KRT13: variants seen among roughly 807,000 people sequenced by gnomAD.
The protein encoded by KRT13 is keratin, type I cytoskeletal 13.
In KRT13, 27 loss-of-function variants were observed where a neutral mutation model predicts 40.6. The ratio of observed to expected loss-of-function variants is 0.67; its 90% CI spans 0.49 to 0.92. KRT13 has a LOEUF of 0.92. Ranked by LOEUF, KRT13 falls within the 40% of genes least tolerant of loss-of-function variation. The pLI is 0.00. For missense variants in KRT13, 605 were observed against 611.5 expected (o/e 0.99, Z 0.11); for synonymous variants, 266 against 240.3 (o/e 1.11, Z -0.99).
rs747067918 is a variant in KRT13, at chr17:41,502,388, C to T, written c.1230G>A (p.Glu410=). The T allele has an allele frequency of 1.2e-6, 2 of 1,614,222 alleles. No individual in the cohort carries two copies. The highest frequency in any genetic ancestry group is 1.7e-6 in the Non-Finnish European group (2 of 1,180,046). The stretch of plus-strand genomic sequence containing the variant: ...AGAGGACCTACTTGGCGTCCTGGCC[C>T]TCGAGCAGGCTGCGGTAGGTGGCGA... The part of the protein sequence containing the change: ...QEIATYRSLL[E]GQDAKMIGFP... The change falls in exon 6 of 8, where the codon GAG becomes GAA. Residue 410 remains glutamate, a synonymous_variant. Transcript: ENST00000246635.
intron 1 of KRT13, chr17:41,503,960 C>T: frequency 2.0e-6 from 1 of 511,718 alleles, no homozygotes; most frequent in Non-Finnish European, 3.5e-6. Context: ...GGGCCACATG[C>T]AGCCCACCGG....
rs114809434 is a variant in KRT13 at position 41,503,831 on chromosome 17, G to A, written c.496-106C>T. 6.7e-4 allele frequency: 556 copies of A among 831,450 alleles called. No homozygotes were observed. In the African/African-American group the frequency reaches 7.7e-3, roughly 11 times the overall value. 51.5% of individuals were successfully genotyped at this position (831,450 alleles called of 1,614,324 possible). On this transcript the variant is annotated intron_variant, in intron 1 of 7. Coordinates refer to ENST00000246635, the MANE Select transcript of KRT13 (RefSeq NM_153490.3). The stretch of plus-strand genomic sequence containing the variant: ...TTGTCTTGGGCAACACATCAAATAC[G>A]CTAACACTAACGATAGCTGATGGGC...
In KRT13 at chr17:41,505,050, G is replaced by A; in HGVS notation, c.495+6C>T. ...GAGGACCCCTCCTCAGCTTCCAAGG[G>A]CTCACCTTGTCCCGGAGCTCTTCAA... On this transcript the variant is annotated splice_donor_region_variant and intron_variant, in intron 1 of 7. Transcript: ENST00000246635. 4 of 1,614,050 alleles carry A rather than the reference G, an allele frequency of 2.5e-6. No homozygotes were observed. Among genetic ancestry groups the A allele is most frequent in the Non-Finnish European group, 3.4e-6 (4 of 1,179,958 alleles).
intron 2 of KRT13, 37 bp from the exon 3 acceptor site, chr17:41,503,480 G>C: frequency 6.2e-7 from 1 of 1,610,764 alleles, no homozygotes; most frequent in Non-Finnish European, 8.5e-7. Flanking sequence ...TTTTGAAAAA[G>C]CAAGACATAA....
intron 1 of KRT13, among the ~76,000 whole-genome samples, chr17:41,504,795 A>G (rs771349453): frequency 5.8e-4 from 88 of 152,182 alleles, no homozygotes; most frequent in Non-Finnish European, 5.0e-4. Flanking sequence ...CATGAATAAC[A>G]TAACTGTCTG....
chr17:41,502,228 A>T, intron 6 of KRT13, 146 bp downstream of exon 6: 1 of 1,579,090 alleles, frequency 6.3e-7, no homozygotes, highest in Non-Finnish European at 8.6e-7. Flanking sequence ...TTAACCCTGC[A>T]GCCTACCAAG....
At chr17:41,503,546 C>CCCAG in intron 2 of KRT13, 97 bp downstream of exon 2, 1 of 1,526,240 alleles carries the variant, frequency 6.6e-7, no homozygotes, top group Middle Eastern at 1.7e-4. Context: ...TCCAGACCTT[C>CCCAG]ACTCCTGGGA....
chr17:41,503,329 G>C lies in KRT13; in HGVS notation c.693C>G (p.Ser231Arg), dbSNP rs997310517. ...SKTDLEMQIE[S>R]LNEELAYMKK... is the part of the protein sequence containing the mutation. ...TCATGTAGGCTAGCTCTTCATTCAG[G>C]CTCTCGATCTGCATCTCCAGGTCAG... The change falls in exon 3 of 8, where the codon AGC (serine) becomes AGG (arginine). Residue 231 changes from serine (S) to arginine (R), a missense_variant. Physicochemically the swap from Ser to Arg is moderately radical, Grantham distance 110. Transcript: ENST00000246635. 1 of 1,614,094 alleles carries C rather than the reference G, an allele frequency of 6.2e-7. No homozygotes were observed. The highest frequency in any genetic ancestry group is 1.3e-5 in the African/African-American group (1 of 74,930).
At position 41,501,137 on chromosome 17, in the gene KRT13, G is replaced by T. The variant is rs1324251106; in HGVS notation, c.*119C>A. On this transcript the variant is annotated 3_prime_UTR_variant, in exon 8 of 8. Coordinates refer to ENST00000246635, the MANE Select transcript of KRT13 (RefSeq NM_153490.3). ...CATCAGGAGAGAGTCAGGACAGGGG[G>T]TCCTGAGAGCAGAGGGACTGAGCCT... 7.0e-6 allele frequency: 5 copies of T among 709,854 alleles called. No individual in the cohort carries two copies. The Admixed American group carries it at 8.3e-5, about 12-fold the overall frequency. The allele number at this position is 709,854 out of a possible 1,614,324, so 44.0% of individuals were successfully genotyped here. A position where few individuals can be genotyped will look rare whatever the true frequency, so the allele number is the denominator to read the frequency against.
Position 41,505,432 on chromosome 17 carries a change from C to T in KRT13, c.119G>A (p.Gly40Glu), listed in dbSNP as rs144144601. 6.1e-5 allele frequency: 99 copies of T among 1,613,386 alleles called. No homozygotes were observed. Among genetic ancestry groups the T allele is most frequent in the Non-Finnish European group, 8.1e-5 (95 of 1,179,472 alleles). Residue 40 changes from glycine to glutamate, a missense_variant, in exon 1 of 8, where the codon GGA (glycine) becomes GAA (glutamate). Transcript: ENST00000246635. ...GCCGCCTCCATAGCCCCCAGCTGAT[C>T]CCCCGGACACAAACCGAGTTGAACA... ...STCSTRFVSG[G>E]SAGGYGGGVS...
At position 41,503,317 on chromosome 17, in the gene KRT13, C is replaced by G; in HGVS notation, c.705G>C (p.Glu235Asp). The G allele has an allele frequency of 6.2e-7, 1 of 1,614,258 alleles. No individual in the cohort carries two copies. The highest frequency in any genetic ancestry group is 8.5e-7 in the Non-Finnish European group (1 of 1,180,048). Reference sequence around the variant, plus strand: ...CATGGTTCTTCTTCATGTAGGCTAGCTCTTCATTCAGGCTCTCGATCTGCA... The same window carrying G: ...CATGGTTCTTCTTCATGTAGGCTAGGTCTTCATTCAGGCTCTCGATCTGCA... ...LEMQIESLNE[E>D]LAYMKKNHEE... The change falls in exon 3 of 8, where the codon GAG becomes GAC. Residue 235 changes from glutamate to aspartate, a missense_variant. Transcript: ENST00000246635.
In KRT13 at chr17:41,502,917, G is replaced by A. The variant is rs1030931179; in HGVS notation, c.897+20C>T. ...CCTGGCTATATGGGATGGGCTATGT[G>A]GGGTGGGAGGGCCGGGTACCTTGGT... On this transcript the variant is annotated intron_variant, in intron 4 of 7. Coordinates refer to ENST00000246635, the MANE Select transcript of KRT13 (RefSeq NM_153490.3). 1.9e-6 allele frequency: 3 copies of A among 1,614,086 alleles called. No homozygotes were observed. Among genetic ancestry groups the A allele is most frequent in the Admixed American group, 1.7e-5 (1 of 59,996 alleles).
Position 41,505,035 on chromosome 17 carries a change from C to T in KRT13, c.495+21G>A, listed in dbSNP as rs753888719. 52 of 1,613,768 alleles carry T rather than the reference C, an allele frequency of 3.2e-5. No individual in the cohort carries two copies. In the South Asian group the frequency reaches 4.2e-4, roughly 13 times the overall value. On this transcript the variant is annotated intron_variant, in intron 1 of 7. Coordinates refer to ENST00000246635, the MANE Select transcript of KRT13 (RefSeq NM_153490.3). ...GCTCTGCCCTTCATGGAGGACCCCT[C>T]CTCAGCTTCCAAGGGCTCACCTTGT...
chr17:41,503,176 T>C, intron 3 of KRT13, 78 bp from the exon 4 acceptor site: 2 of 1,605,134 alleles, frequency 1.2e-6, no homozygotes. Context: ...CAGAGTGTTC[T>C]GGAGAGTGTT....
Position 41,501,122 on chromosome 17 carries a change from GAGTC to G in KRT13, c.*130_*133del. On this transcript the variant is annotated 3_prime_UTR_variant, in exon 8 of 8. Transcript: ENST00000246635. ...GCACAGAGGGCCCACCATCAGGAGA[GAGTC>G]AGGACAGGGGGTCCTGAGAGCAGAG... 1.5e-6 allele frequency: 1 copy of G among 661,262 alleles called. No homozygotes were observed. Among genetic ancestry groups the G allele is most frequent in the South Asian group, 1.6e-5 (1 of 64,152 alleles). 41.0% of individuals were successfully genotyped at this position (661,262 alleles called of 1,614,324 possible).
Position 41,505,425 on chromosome 17 carries a change from A to G in KRT13, c.126T>C (p.Ala42=). Reference sequence around the variant, plus strand: ...AGCTCACGCCGCCTCCATAGCCCCCAGCTGATCCCCCGGACACAAACCGAG... The same window carrying G: ...AGCTCACGCCGCCTCCATAGCCCCCGGCTGATCCCCCGGACACAAACCGAG... ...CSTRFVSGGS[A]GGYGGGVSCG... The change falls in exon 1 of 8, where the codon GCT becomes GCC. Residue 42 remains alanine (A), a synonymous_variant. Transcript: ENST00000246635. 6.2e-7 allele frequency: 1 copy of G among 1,613,584 alleles called. No homozygotes were observed. The highest frequency in any genetic ancestry group is 8.5e-7 in the Non-Finnish European group (1 of 1,179,592).
At chr17:41,502,335 G>C in intron 6 of KRT13, 39 bp downstream of exon 6, 2 of 1,613,418 alleles carry the variant, frequency 1.2e-6, no homozygotes, top group Non-Finnish European at 1.7e-6. Context: ...CACGGGTCCT[G>C]CAGTCACTAT....
At chr17:41,501,807 C>T in intron 6 of KRT13, 63 bp from the exon 7 acceptor site, 1 of 1,565,324 alleles carries the variant, frequency 6.4e-7, no homozygotes, top group South Asian at 1.2e-5. Flanking sequence ...CTTACCTGTT[C>T]CTCTGGGGAA....
At chr17:41,505,031 CCCT>C (rs1905007545) in intron 1 of KRT13, 22 bp downstream of exon 1, 1 of 1,613,552 alleles carries the variant, frequency 6.2e-7, no homozygotes. Context: ...CATGGAGGAC[CCCT>C]CCTCAGCTTC....
Sources: gnomAD v4.1 joint callset for allele counts (sites outside exome capture counted in the v4.1 genomes callset) on GRCh38, gnomAD v4.1.1 for gene constraint, MANE v1.5 for transcripts, NCBI Gene and HGNC (gene_info 2026-07-23, HGNC 2026-07-21) for gene names.